The following USH2A variants were observed in gnomAD, a reference collection of about 807,000 sequenced individuals.
The protein encoded by USH2A is Usher syndrome 2A (autosomal recessive, mild).
Under a neutral mutation model 538.9 loss-of-function variants are expected in USH2A, and 443 were observed. The ratio of observed to expected loss-of-function variants is 0.82; its 90% CI spans 0.76 to 0.89. The LOEUF is 0.89. USH2A is among the 40% of genes least tolerant of loss of function. USH2A has a pLI of 0.00. For synonymous variants in USH2A, 2,413 were observed against 2,273.5 expected (o/e 1.06, Z -1.75); for missense variants, 6,633 against 6,324.8 (o/e 1.05, Z -1.65).
chr1:215,732,442 T>C (rs191645405), intron 60 of USH2A, among the ~76,000 whole-genome samples: 4 of 152,234 alleles, frequency 2.6e-5, no homozygotes, highest in African/African-American at 9.6e-5. Context: ...TTGACTATAG[T>C]TTCTTATATT....
chr1:216,210,575 T>C (rs1157229718), intron 15 of USH2A, among the ~76,000 whole-genome samples: 2 of 152,148 alleles, frequency 1.3e-5, no homozygotes, highest in East Asian at 3.9e-4. Context: ...AAAATAGTTA[T>C]TTTTGTTTTA....
At chr1:216,343,371 CAAAAAAA>C (rs1206103461) in intron 4 of USH2A, among the ~76,000 whole-genome samples, 1 of 87,672 alleles carries the variant, frequency 1.1e-5, no homozygotes, top group Non-Finnish European at 2.5e-5. Context: ...ACCATCTCTA[CAAAAAAA>C]AAAAAAAAAA....
intron 38 of USH2A, among the ~76,000 whole-genome samples, chr1:215,923,228 TG>T (rs1248687837): frequency 6.6e-6 from 1 of 151,952 alleles, no homozygotes; most frequent in Non-Finnish European, 1.5e-5. Flanking sequence ...AGCAATGAGA[TG>T]GGTAGTGGGT....
chr1:216,173,931 CTTTT>C (rs997212858), intron 21 of USH2A: 3 of 967,812 alleles, frequency 3.1e-6, no homozygotes, highest in African/African-American at 1.8e-5. Flanking sequence ...TTTTCCTTAC[CTTTT>C]TTTTCTTTTC....
chr1:216,112,296 A>G (rs1390395518), intron 21 of USH2A, among the ~76,000 whole-genome samples: 1 of 152,206 alleles, frequency 6.6e-6, no homozygotes. Flanking sequence ...AAAAGAATTC[A>G]ATAAATATTA....
intron 4 of USH2A, among the ~76,000 whole-genome samples, chr1:216,358,975 C>G (rs909546508): frequency 1.3e-5 from 2 of 152,114 alleles, no homozygotes; most frequent in Admixed American, 1.3e-4. Flanking sequence ...CTTTGAGCAA[C>G]ATTTGGTGCA....
chr1:216,060,079 G>C (rs2031121301), intron 30 of USH2A, among the ~76,000 whole-genome samples: 1 of 152,162 alleles, frequency 6.6e-6, no homozygotes, highest in African/African-American at 2.4e-5. Flanking sequence ...CCAGAAGCAG[G>C]AATAAAGCAG....
At chr1:216,419,382 T>G (rs2039637905) in intron 2 of USH2A, among the ~76,000 whole-genome samples, 1 of 152,118 alleles carries the variant, frequency 6.6e-6, no homozygotes, top group African/African-American at 2.4e-5. Context: ...TTCAGAAAAC[T>G]TCCAGGTCTT....
intron 40 of USH2A, 64 bp downstream of exon 40, chr1:215,900,011 A>C: frequency 6.2e-7 from 1 of 1,609,194 alleles, no homozygotes; most frequent in Admixed American, 1.7e-5. Flanking sequence ...TTTGGAAAAA[A>C]TTGAAGACAT....
chr1:216,050,594 TTCTTTCTTTC>T (rs2030733988), intron 30 of USH2A, among the ~76,000 whole-genome samples: 3 of 88,566 alleles, frequency 3.4e-5, no homozygotes, highest in African/African-American at 1.5e-4. Context: ...CTTTCTTTCT[TTCTTTCTTTC>T]TTTTTTTTTT....
At chr1:216,233,543 T>G (rs1015248715) in intron 13 of USH2A, among the ~76,000 whole-genome samples, 1 of 152,006 alleles carries the variant, frequency 6.6e-6, no homozygotes, top group Admixed American at 6.6e-5. Context: ...GCTTGGCACA[T>G]AGTAGGCATT....
In USH2A at chr1:215,625,585, CATTT is replaced by C. The variant is rs1466662047; in HGVS notation, c.*192_*195del. On this transcript the variant is annotated 3_prime_UTR_variant, in exon 72 of 72. Transcript: ENST00000307340. ...GTATTTTCATATGAATATTCTCTCT[CATTT>C]AAGATGAGAAAAATATCATTTCTTA... The C allele has an allele frequency of 6.4e-6, 4 of 621,500 alleles. No homozygotes were observed. Among genetic ancestry groups the C allele is most frequent in the Non-Finnish European group, 1.2e-5 (4 of 346,434 alleles). The allele number at this position is 621,500 out of a possible 1,614,324, so 38.5% of individuals were successfully genotyped here.
At chr1:215,683,186 T>A (rs1197663107) in intron 61 of USH2A, among the ~76,000 whole-genome samples, 1 of 151,826 alleles carries the variant, frequency 6.6e-6, no homozygotes, top group Non-Finnish European at 1.5e-5. Context: ...CTGCTGCATC[T>A]GGCTACTTTG....
intron 49 of USH2A, among the ~76,000 whole-genome samples, chr1:215,807,317 G>C (rs1662531873): frequency 6.6e-6 from 1 of 152,124 alleles, no homozygotes; most frequent in Admixed American, 6.6e-5. Flanking sequence ...AGTTTGTGTG[G>C]TTTTAAGCCA....
intron 11 of USH2A, among the ~76,000 whole-genome samples, chr1:216,257,330 T>C (rs988086396): frequency 3.3e-5 from 5 of 151,994 alleles, no homozygotes; most frequent in African/African-American, 1.2e-4. Flanking sequence ...TTTTCTTTCA[T>C]AGTTATAAGA....
At chr1:215,732,550 T>C (rs1239615083) in intron 60 of USH2A, among the ~76,000 whole-genome samples, 841 of 54,856 alleles carry the variant, frequency 0.015, 12 homozygotes, top group South Asian at 0.15. Flanking sequence ...CTTTCTTTTT[T>C]TTTTTTTTTT....
At chr1:216,087,052 A>G in intron 23 of USH2A, 1 of 483,184 alleles carries the variant, frequency 2.1e-6, no homozygotes, top group Non-Finnish European at 3.9e-6. Context: ...CTCTACCCAT[A>G]GGCACCCCCT....
chr1:215,729,619 TAG>T (rs1244080578), intron 60 of USH2A, among the ~76,000 whole-genome samples: 2 of 150,988 alleles, frequency 1.3e-5, no homozygotes, highest in East Asian at 3.9e-4. Flanking sequence ...GAATTTGTTT[TAG>T]AGTTTTTTTG....
intron 21 of USH2A, among the ~76,000 whole-genome samples, chr1:216,142,065 C>G (rs2033614478): frequency 6.6e-6 from 1 of 151,806 alleles, no homozygotes; most frequent in African/African-American, 2.4e-5. Flanking sequence ...ATGCTTTGAA[C>G]AAGTTTATTT....
Sources: gnomAD v4.1 joint callset for allele counts (sites outside exome capture counted in the v4.1 genomes callset) on GRCh38, gnomAD v4.1.1 for gene constraint, MANE v1.5 for transcripts, NCBI Gene and HGNC (gene_info 2026-07-23, HGNC 2026-07-21) for gene names.